CTIF: variants seen among roughly 807,000 people sequenced by gnomAD.
CTIF encodes cap binding complex dependent translation initiation factor.
CTIF carries 21 observed loss-of-function variants against 66.0 expected under a neutral mutation model. The observed-to-expected ratio is 0.32, with a 90% CI of 0.23 to 0.46. The LOEUF (loss-of-function observed/expected upper bound fraction) is 0.46, where lower values mean the gene tolerates loss of function less well. Ranked by LOEUF, CTIF falls within the 20% of genes least tolerant of loss-of-function variation. The pLI is 1.00. For synonymous variants in CTIF, 345 were observed against 326.4 expected (o/e 1.06, Z -0.62); for missense variants, 739 against 812.7 (o/e 0.91, Z 1.10).
chr18:48,710,691 G>A (rs2092213833), intron 6 of CTIF, among the ~76,000 whole-genome samples: 1 of 152,208 alleles, frequency 6.6e-6, no homozygotes, highest in South Asian at 2.1e-4. Flanking sequence ...TGATGTAGAT[G>A]TAGAAATAGT....
intron 10 of CTIF, among the ~76,000 whole-genome samples, chr18:48,840,335 C>T (rs1471780429): frequency 2.0e-5 from 3 of 152,164 alleles, no homozygotes; most frequent in Non-Finnish European, 4.4e-5. Flanking sequence ...CGCCTGAATG[C>T]CAGGCTAAGC....
chr18:48,794,037 G>T (rs915342245), intron 9 of CTIF, among the ~76,000 whole-genome samples: 2 of 152,158 alleles, frequency 1.3e-5, no homozygotes, highest in Non-Finnish European at 1.5e-5. Flanking sequence ...TCTCCCCAGG[G>T]GAGGCGAGGT....
At chr18:48,691,017 C>A (rs1237520179) in intron 6 of CTIF, among the ~76,000 whole-genome samples, 1 of 152,160 alleles carries the variant, frequency 6.6e-6, no homozygotes. Context: ...GTGCACGTGC[C>A]TGTGAGCAGG....
intron 9 of CTIF, among the ~76,000 whole-genome samples, chr18:48,776,654 C>G (rs1384689545): frequency 6.6e-6 from 1 of 152,246 alleles, no homozygotes; most frequent in Non-Finnish European, 1.5e-5. Context: ...CAGGCCCTCT[C>G]CAGCAGAGCC....
intron 8 of CTIF, 28 bp downstream of exon 8, chr18:48,758,433 T>C (rs767581754): frequency 1.2e-5 from 19 of 1,557,582 alleles, no homozygotes. Context: ...TTTGTTCTTC[T>C]CTTGCACCAG....
At chr18:48,768,751 A>C (rs1043241818) in intron 9 of CTIF, among the ~76,000 whole-genome samples, 20 of 152,114 alleles carry the variant, frequency 1.3e-4, no homozygotes, top group Non-Finnish European at 2.9e-5. Flanking sequence ...CTTTGAAAAA[A>C]AAAATAGGCA....
At chr18:48,819,236 G>T (rs1441902740) in intron 10 of CTIF, among the ~76,000 whole-genome samples, 1 of 152,238 alleles carries the variant, frequency 6.6e-6, no homozygotes, top group African/African-American at 2.4e-5. Context: ...AGTGCCTTGA[G>T]CTCAGAATGC....
intron 3 of CTIF, among the ~76,000 whole-genome samples, chr18:48,641,325 A>C (rs1424989925): frequency 6.6e-6 from 1 of 152,226 alleles, no homozygotes; most frequent in African/African-American, 2.4e-5. Flanking sequence ...CCACAACAGC[A>C]CAGCCTCTGA....
At chr18:48,830,381 C>G (rs576626139) in intron 10 of CTIF, among the ~76,000 whole-genome samples, 5 of 152,246 alleles carry the variant, frequency 3.3e-5, no homozygotes, top group African/African-American at 1.2e-4. Context: ...CCAGGCTGAT[C>G]TCAAACTCCT....
At chr18:48,824,233 C>A (rs2146385446) in intron 10 of CTIF, among the ~76,000 whole-genome samples, 2 of 152,280 alleles carry the variant, frequency 1.3e-5, no homozygotes, top group East Asian at 3.9e-4. Context: ...AAAAAAGACA[C>A]AAACAAATGG....
intron 1 of CTIF, among the ~76,000 whole-genome samples, chr18:48,586,534 G>T (rs1568051543): frequency 6.6e-6 from 1 of 151,900 alleles, no homozygotes; most frequent in African/African-American, 2.4e-5. Context: ...GCCTCCCAAA[G>T]TGCTGGGATT....
intron 10 of CTIF, among the ~76,000 whole-genome samples, chr18:48,854,056 T>C (rs1319897429): frequency 1.3e-5 from 2 of 152,302 alleles, no homozygotes; most frequent in East Asian, 1.9e-4. Flanking sequence ...GCATAAATCA[T>C]GTTGACCAAC....
At chr18:48,708,963 C>T (rs936125342) in intron 6 of CTIF, among the ~76,000 whole-genome samples, 21 of 152,130 alleles carry the variant, frequency 1.4e-4, no homozygotes, top group African/African-American at 5.1e-4. Context: ...GTGTCAGGAT[C>T]ACAGGAAAGA....
At chr18:48,808,087 A>G (rs904270518) in intron 9 of CTIF, among the ~76,000 whole-genome samples, 2 of 152,224 alleles carry the variant, frequency 1.3e-5, no homozygotes, top group African/African-American at 4.8e-5. Context: ...GATTTTCAGA[A>G]AAGTCATACC....
intron 9 of CTIF, among the ~76,000 whole-genome samples, chr18:48,788,347 A>G (rs964172227): frequency 6.6e-6 from 1 of 152,078 alleles, no homozygotes. Context: ...GCAGACACCA[A>G]CATTTCAGGC....
chr18:48,794,964 A>G (rs2067880630), intron 9 of CTIF, among the ~76,000 whole-genome samples: 1 of 152,134 alleles, frequency 6.6e-6, no homozygotes, highest in Admixed American at 6.5e-5. Flanking sequence ...GTAGATGGAT[A>G]GATGGATGAC....
chr18:48,608,946 A>G (rs943452255), intron 1 of CTIF, among the ~76,000 whole-genome samples: 3 of 152,162 alleles, frequency 2.0e-5, no homozygotes, highest in Admixed American at 6.5e-5. Flanking sequence ...TTCTAGCCTT[A>G]CCCCAGGTGC....
chr18:48,820,697 T>A (rs4520900), intron 10 of CTIF, among the ~76,000 whole-genome samples: 76,103 of 151,930 alleles, frequency 0.5, 20,309 homozygotes, highest in African/African-American at 0.7. Flanking sequence ...GCCTTTCCGC[T>A]GTCAAGTCAC....
intron 2 of CTIF, among the ~76,000 whole-genome samples, chr18:48,624,790 T>C (rs1011784694): frequency 1.3e-5 from 2 of 152,176 alleles, no homozygotes; most frequent in Non-Finnish European, 2.9e-5. Context: ...CCCGATCCAG[T>C]CTCTTGGAAA....
Sources: allele counts gnomAD v4.1 joint callset (sites outside exome capture counted in the v4.1 genomes callset), GRCh38; gene constraint gnomAD v4.1.1; transcripts MANE v1.5; gene names NCBI Gene and HGNC (gene_info 2026-07-23, HGNC 2026-07-21).